The following RBFOX1 variants were observed in gnomAD, a reference collection of about 807,000 sequenced individuals.
The protein encoded by RBFOX1 is RNA binding protein fox-1 homolog 1.
RBFOX1 carries 8 observed loss-of-function variants against 57.7 expected under a neutral mutation model. The observed-to-expected ratio is 0.14, with a 90% confidence interval of 0.08 to 0.25. The LOEUF (loss-of-function observed/expected upper bound fraction) is 0.25. Among genes scored for constraint, RBFOX1 ranks in the 10% least tolerant of loss-of-function variants. The probability of loss-of-function intolerance (pLI) is 1.00; values close to 1 mark genes in which losing one functional copy is unlikely to be tolerated. For synonymous variants in RBFOX1, 326 were observed against 222.4 expected, an observed-to-expected ratio of 1.47 and a Z score of -4.15; for missense variants, 611 against 548.5, an observed-to-expected ratio of 1.11 and a Z score of -1.14.
intron 2 of RBFOX1, among the ~76,000 whole-genome samples, chr16:6,455,555 A>G (rs769064508): frequency 5.3e-5 from 8 of 152,216 alleles, no homozygotes; most frequent in Admixed American, 2.0e-4. Flanking sequence ...GATGAAAACG[A>G]TCACCATAAA....
intron 2 of RBFOX1, among the ~76,000 whole-genome samples, chr16:5,545,379 T>G (rs1249245293): frequency 6.6e-6 from 1 of 152,170 alleles, no homozygotes; most frequent in East Asian, 1.9e-4. Context: ...GGTATTGCCC[T>G]AATAGCAAAA....
intron 1 of RBFOX1, among the ~76,000 whole-genome samples, chr16:6,087,410 G>T (rs1352157): frequency 6.6e-6 from 1 of 151,886 alleles, no homozygotes; most frequent in Non-Finnish European, 1.5e-5. Flanking sequence ...AAGAAGTTCA[G>T]AATTCAACTG....
At chr16:6,631,849 C>T (rs1018814062) in intron 2 of RBFOX1, among the ~76,000 whole-genome samples, 5 of 150,222 alleles carry the variant, frequency 3.3e-5, no homozygotes, top group African/African-American at 1.0e-4. Context: ...CCCAAGGTGG[C>T]CACAAACTTA....
chr16:7,330,833 T>C (rs1169314828), intron 4 of RBFOX1, among the ~76,000 whole-genome samples: 1 of 152,116 alleles, frequency 6.6e-6, no homozygotes, highest in Non-Finnish European at 1.5e-5. Context: ...CTCCTGTTGA[T>C]TGCTAAAGGA....
intron 4 of RBFOX1, among the ~76,000 whole-genome samples, chr16:7,145,385 TA>T (rs2074742944): frequency 6.6e-6 from 1 of 152,048 alleles, no homozygotes; most frequent in African/African-American, 2.4e-5. Flanking sequence ...TTTTGTATTT[TA>T]AATACAGACG....
At chr16:6,620,925 A>T (rs1417071179) in intron 2 of RBFOX1, among the ~76,000 whole-genome samples, 1 of 152,234 alleles carries the variant, frequency 6.6e-6, no homozygotes, top group Non-Finnish European at 1.5e-5. Context: ...GTGGCTTAAA[A>T]CAACAAAATT....
chr16:5,997,542 G>C (rs1454977517), intron 4 of RBFOX1, among the ~76,000 whole-genome samples: 1 of 152,152 alleles, frequency 6.6e-6, no homozygotes, highest in Admixed American at 6.5e-5. Flanking sequence ...AGTACTTCTT[G>C]GTAGCTTCAA....
At chr16:6,118,161 C>T (rs925026813) in intron 1 of RBFOX1, among the ~76,000 whole-genome samples, 15 of 152,082 alleles carry the variant, frequency 9.9e-5, no homozygotes, top group African/African-American at 3.4e-4. Flanking sequence ...GCATTAAGAC[C>T]ATGCTGTTAA....
chr16:6,612,298 A>T (rs1014211491), intron 2 of RBFOX1, among the ~76,000 whole-genome samples: 1 of 152,200 alleles, frequency 6.6e-6, no homozygotes, highest in African/African-American at 2.4e-5. Flanking sequence ...CAAAACTAAG[A>T]AACCAACTTT....
rs147672686 is a variant in RBFOX1 at position 7,496,086 on chromosome 16, G to T, written c.28-22061G>T. Among the ~76,000 whole-genome samples the T allele has an allele frequency of 3.4e-3, 514 of 152,246 alleles. 4 individuals are homozygous for T. The highest frequency in any genetic ancestry group is 0.012 in the African/African-American group (498 of 41,548). ...CTGGGTCCACATTCTGTCTCTATCAGCAGTGAGTCAGTGCACACATCCTAC... is the reference window on the plus strand; with the variant it reads ...CTGGGTCCACATTCTGTCTCTATCATCAGTGAGTCAGTGCACACATCCTAC... On this transcript the variant is annotated intron_variant, in intron 4 of 15. Coordinates refer to ENST00000550418, the MANE Select transcript of RBFOX1 (RefSeq NM_018723.4).
At chr16:6,486,646 C>T (rs978574913) in intron 2 of RBFOX1, among the ~76,000 whole-genome samples, 1 of 141,666 alleles carries the variant, frequency 7.1e-6, no homozygotes, top group South Asian at 2.2e-4. Flanking sequence ...AAGCTTGAAC[C>T]CTTAATTTTA....
intron 3 of RBFOX1, among the ~76,000 whole-genome samples, chr16:5,826,470 T>G (rs1441640557): frequency 6.6e-6 from 1 of 152,236 alleles, no homozygotes; most frequent in African/African-American, 2.4e-5. Flanking sequence ...TATTTTGGTG[T>G]TGTGACCTAT....
chr16:5,872,568 C>G (rs546469653), intron 4 of RBFOX1, among the ~76,000 whole-genome samples: 5 of 151,790 alleles, frequency 3.3e-5, no homozygotes, highest in African/African-American at 1.2e-4. Context: ...AACCGAATCT[C>G]TACAGAAAGA....
chr16:6,157,023 A>G (rs1447875711), intron 1 of RBFOX1, among the ~76,000 whole-genome samples: 2 of 151,688 alleles, frequency 1.3e-5, no homozygotes, highest in African/African-American at 2.4e-5. Context: ...TTTTGTAGAG[A>G]TGGGGTCTTG....
chr16:5,268,954 G>A (rs1038559037), intron 1 of RBFOX1, among the ~76,000 whole-genome samples: 5 of 149,096 alleles, frequency 3.4e-5, no homozygotes, highest in Admixed American at 6.7e-5. Flanking sequence ...TTGCTCTGTC[G>A]CCCAGGCTAG....
At chr16:6,972,681 G>T (rs2085852476) in intron 3 of RBFOX1, among the ~76,000 whole-genome samples, 1 of 152,130 alleles carries the variant, frequency 6.6e-6, no homozygotes. Context: ...CCTGAGTGGA[G>T]GGCTGGCCTT....
chr16:6,993,889 C>T (rs758043532), intron 3 of RBFOX1, among the ~76,000 whole-genome samples: 6 of 152,274 alleles, frequency 3.9e-5, no homozygotes, highest in African/African-American at 9.6e-5. Flanking sequence ...TCAGGGACAA[C>T]ATTAATGTAT....
intron 1 of RBFOX1, among the ~76,000 whole-genome samples, chr16:5,259,684 G>C (rs2062683810): frequency 6.6e-6 from 1 of 152,184 alleles, no homozygotes; most frequent in African/African-American, 2.4e-5. Flanking sequence ...TGTTTGTCAT[G>C]AGTTAATGTG....
chr16:5,949,272 G>C (rs72770941), intron 4 of RBFOX1, among the ~76,000 whole-genome samples: 26,867 of 152,000 alleles, frequency 0.18, 2,843 homozygotes, highest in Middle Eastern at 0.28. Flanking sequence ...TTTAAAAAAA[G>C]AATACAGGCT....
Sources: allele counts gnomAD v4.1 joint callset (sites outside exome capture counted in the v4.1 genomes callset), GRCh38; gene constraint gnomAD v4.1.1; transcripts MANE v1.5; gene names NCBI Gene and HGNC (gene_info 2026-07-23, HGNC 2026-07-21).